The following DIAPH2 variants were observed in gnomAD, a reference collection of about 807,000 sequenced individuals.
DIAPH2 encodes the protein diaphanous related formin 2.
In DIAPH2, 35 loss-of-function variants were observed where a neutral mutation model predicts 92.7. The observed-to-expected ratio is 0.38, with a 90% CI of 0.29 to 0.50. DIAPH2 has a LOEUF of 0.50. DIAPH2 is among the 20% of genes least tolerant of loss of function. The pLI is 0.94. For missense variants in DIAPH2, 701 were observed against 819.5 expected (o/e 0.86, Z 1.77); for synonymous variants, 301 against 280.4 (o/e 1.07, Z -0.73).
intron 25 of DIAPH2, among the ~76,000 whole-genome samples, chrX:97,418,228 G>A (rs1445115202): frequency 8.9e-6 from 1 of 112,372 alleles, no homozygotes; most frequent in Non-Finnish European, 1.9e-5. Flanking sequence ...GCAAGGAGTT[G>A]GCAGGGGAAT....
chrX:97,569,480 C>T (rs1014708229), intron 26 of DIAPH2, among the ~76,000 whole-genome samples: 4 of 111,734 alleles, frequency 3.6e-5, no homozygotes, highest in African/African-American at 1.3e-4. Flanking sequence ...TTCATCTCTC[C>T]AAGGTGCTAG....
intron 4 of DIAPH2, among the ~76,000 whole-genome samples, chrX:96,772,708 T>C (rs1244404071): frequency 8.9e-6 from 1 of 112,006 alleles, no homozygotes; most frequent in African/African-American, 3.2e-5. Flanking sequence ...ATTAAAACAA[T>C]ATAGAAAAAA....
At chrX:96,957,553 C>T in intron 15 of DIAPH2, among the ~76,000 whole-genome samples, 1 of 111,265 alleles carries the variant, frequency 9.0e-6, no homozygotes, top group East Asian at 2.8e-4. Flanking sequence ...GAGCCAAACC[C>T]TATCAGATAC....
At chrX:96,980,677 AGT>A (rs754098097) in intron 17 of DIAPH2, among the ~76,000 whole-genome samples, 1 of 110,263 alleles carries the variant, frequency 9.1e-6, no homozygotes, top group African/African-American at 3.3e-5. Context: ...TAATTCATTC[AGT>A]GTGTGTGTGT....
intron 23 of DIAPH2, among the ~76,000 whole-genome samples, chrX:97,266,595 C>T (rs1426281951): frequency 8.9e-6 from 1 of 111,828 alleles, no homozygotes; most frequent in Admixed American, 9.6e-5. Context: ...TTATGTAATT[C>T]TCTGCCATAA....
At chrX:96,832,790 G>A (rs1379051394) in intron 4 of DIAPH2, among the ~76,000 whole-genome samples, 2 of 110,961 alleles carry the variant, frequency 1.8e-5, no homozygotes, top group Admixed American at 1.9e-4. Context: ...ATGATTCCAG[G>A]GCTTTTCCCA....
intron 19 of DIAPH2, among the ~76,000 whole-genome samples, chrX:97,078,770 T>C (rs899662463): frequency 9.0e-6 from 1 of 111,074 alleles, no homozygotes; most frequent in Admixed American, 9.6e-5. Context: ...AGGTGAACTG[T>C]AGGGTAGGGT....
intron 24 of DIAPH2, among the ~76,000 whole-genome samples, chrX:97,375,133 C>T (rs1177882937): frequency 2.7e-5 from 3 of 111,755 alleles, no homozygotes; most frequent in African/African-American, 9.7e-5. Flanking sequence ...CCTCTTTTCT[C>T]CTTGGTTCCA....
intron 21 of DIAPH2, among the ~76,000 whole-genome samples, chrX:97,119,811 G>A (rs2067042544): frequency 9.0e-6 from 1 of 111,306 alleles, no homozygotes; most frequent in Admixed American, 9.5e-5. Context: ...CATGCAGGTT[G>A]TCAGGAAAGT....
intron 23 of DIAPH2, among the ~76,000 whole-genome samples, chrX:97,301,099 C>T (rs1182513405): frequency 2.0e-5 from 2 of 99,402 alleles, no homozygotes; most frequent in South Asian, 4.9e-4. Flanking sequence ...GTCAGGAGAT[C>T]GACATCGCGC....
At chrX:97,414,746 TA>T (rs1391509460) in intron 25 of DIAPH2, among the ~76,000 whole-genome samples, 1 of 108,827 alleles carries the variant, frequency 9.2e-6, no homozygotes, top group Non-Finnish European at 1.9e-5. Context: ...GTGTTAGACA[TA>T]AAGCCATAAA....
At chrX:96,877,476 T>C (rs2065187911) in intron 4 of DIAPH2, among the ~76,000 whole-genome samples, 1 of 111,837 alleles carries the variant, frequency 8.9e-6, no homozygotes, top group Non-Finnish European at 1.9e-5. Context: ...TCCCTGATAC[T>C]AATTGCTATC....
chrX:97,057,959 C>A (rs1232041550), intron 17 of DIAPH2, among the ~76,000 whole-genome samples: 2 of 105,645 alleles, frequency 1.9e-5, no homozygotes, highest in Non-Finnish European at 3.9e-5. Context: ...TTGGGAAATT[C>A]TATTTTGTTG....
At chrX:96,988,695 G>A (rs2066048552) in intron 17 of DIAPH2, among the ~76,000 whole-genome samples, 1 of 111,381 alleles carries the variant, frequency 9.0e-6, no homozygotes, top group Non-Finnish European at 1.9e-5. Context: ...AAATTGTATG[G>A]CTTTATCATT....
intron 21 of DIAPH2, among the ~76,000 whole-genome samples, chrX:97,115,202 A>G (rs1330732166): frequency 1.8e-5 from 2 of 111,955 alleles, no homozygotes; most frequent in Non-Finnish European, 1.9e-5. Flanking sequence ...ATTACATTTT[A>G]CTGAAGTTTA....
intron 4 of DIAPH2, among the ~76,000 whole-genome samples, chrX:96,864,062 C>T (rs2065089057): frequency 9.0e-6 from 1 of 111,107 alleles, no homozygotes; most frequent in Admixed American, 9.6e-5. Flanking sequence ...GACCCTGTCT[C>T]AAAACAATTT....
chrX:97,566,867 G>T (rs1186392614), intron 26 of DIAPH2, among the ~76,000 whole-genome samples: 1 of 111,340 alleles, frequency 9.0e-6, no homozygotes, highest in Non-Finnish European at 1.9e-5. Context: ...TTAAGTGAAA[G>T]AATTAGATCA....
intron 23 of DIAPH2, among the ~76,000 whole-genome samples, chrX:97,272,938 C>CCGG (rs2068402302): frequency 9.0e-6 from 1 of 111,667 alleles, no homozygotes; most frequent in Non-Finnish European, 1.9e-5. Flanking sequence ...GGCAGATCAC[C>CCGG]TAAGGTTGGG....
intron 22 of DIAPH2, among the ~76,000 whole-genome samples, chrX:97,233,364 T>C (rs1301679134): frequency 1.8e-5 from 2 of 112,463 alleles, no homozygotes; most frequent in African/African-American, 6.5e-5. Context: ...GAAGAAATTA[T>C]TTAATCTCTC....
Sources: gnomAD v4.1 joint callset for allele counts (sites outside exome capture counted in the v4.1 genomes callset) on GRCh38, gnomAD v4.1.1 for gene constraint, MANE v1.5 for transcripts, NCBI Gene and HGNC (gene_info 2026-07-23, HGNC 2026-07-21) for gene names.